NMD3: variants seen among roughly 807,000 people sequenced by gnomAD.
NMD3 encodes NMD3 ribosome export adaptor.
NMD3 carries 47 observed loss-of-function variants against 73.1 expected under a neutral mutation model. The observed-to-expected ratio is 0.64, with a 90% CI of 0.51 to 0.82. The LOEUF (loss-of-function observed/expected upper bound fraction) is 0.82. Ranked by LOEUF, NMD3 falls within the 40% of genes least tolerant of loss-of-function variation. NMD3 has a pLI of 0.00. For missense variants in NMD3, 554 were observed against 612.5 expected (o/e 0.90, Z 1.01); for synonymous variants, 210 against 194.5 (o/e 1.08, Z -0.66).
chr3:161,223,073 A>ATTAT (rs1399573578), intron 2 of NMD3: 1 of 152,222 alleles, frequency 6.6e-6, no homozygotes, highest in Non-Finnish European at 1.5e-5. Flanking sequence ...TTGTTTGACC[A>ATTAT]TTATACTTCC....
intron 6 of NMD3, 61 bp downstream of exon 6, chr3:161,234,916 C>T (rs1424537114): frequency 1.3e-6 from 2 of 1,551,664 alleles, no homozygotes; most frequent in Non-Finnish European, 1.8e-6. Context: ...TTAATTATAA[C>T]TTTTCCTTCT....
chr3:161,243,399 G>C (rs973648342), intron 11 of NMD3, among the ~76,000 whole-genome samples: 1 of 152,174 alleles, frequency 6.6e-6, no homozygotes, highest in African/African-American at 2.4e-5. Context: ...CTTTGAAAGG[G>C]AAACTATGGA....
At chr3:161,237,602 C>A (rs377664847) in intron 7 of NMD3, among the ~76,000 whole-genome samples, 2 of 142,312 alleles carry the variant, frequency 1.4e-5, no homozygotes, top group East Asian at 4.1e-4. Context: ...TGCAGTGTTG[C>A]GATCTGGGCT....
At chr3:161,223,899 C>T (rs1399801827) in intron 2 of NMD3, among the ~76,000 whole-genome samples, 2 of 152,106 alleles carry the variant, frequency 1.3e-5, no homozygotes, top group African/African-American at 4.8e-5. Flanking sequence ...CCCAAGTTTG[C>T]TATTACACTT....
chr3:161,232,818 C>G (rs2108082782), intron 4 of NMD3, among the ~76,000 whole-genome samples: 1 of 152,268 alleles, frequency 6.6e-6, no homozygotes, highest in South Asian at 2.1e-4. Context: ...TCCCACCCAC[C>G]CCTTCTCCCC....
intron 1 of NMD3, 118 bp from the exon 2 acceptor site, chr3:161,221,876 T>A (rs1338623871): frequency 1.6e-6 from 1 of 630,060 alleles, no homozygotes; most frequent in Non-Finnish European, 2.6e-6. Flanking sequence ...CGAAGTTCTG[T>A]GAATATATTA....
chr3:161,233,153 G>T (rs1736606033), intron 4 of NMD3, among the ~76,000 whole-genome samples: 1 of 149,504 alleles, frequency 6.7e-6, no homozygotes, highest in East Asian at 1.9e-4. Context: ...TTTTTCCTAT[G>T]CAAATACTTT....
chr3:161,233,645 T>C (rs1379611745), intron 5 of NMD3, among the ~76,000 whole-genome samples, 166 bp downstream of exon 5: 1 of 152,238 alleles, frequency 6.6e-6, no homozygotes, highest in Non-Finnish European at 1.5e-5. Flanking sequence ...AGATCACTAG[T>C]AAGAGTAGTC....
intron 11 of NMD3, among the ~76,000 whole-genome samples, chr3:161,245,546 ATTTCTT>A (rs528006826): frequency 8.4e-4 from 127 of 150,628 alleles, no homozygotes; most frequent in African/African-American, 2.8e-3. Context: ...CATTTTTTTC[ATTTCTT>A]TTTCTTTGAC....
chr3:161,235,049 A>C, intron 6 of NMD3, 73 bp from the exon 7 acceptor site: 1 of 861,120 alleles, frequency 1.2e-6, no homozygotes, highest in South Asian at 1.7e-5. Flanking sequence ...CTATCTGTAG[A>C]TAGTATGTGT....
chr3:161,238,010 T>TG, intron 7 of NMD3, 103 bp from the exon 8 acceptor site: 1 of 758,336 alleles, frequency 1.3e-6, no homozygotes, highest in Non-Finnish European at 2.1e-6. Context: ...TCTAATAATT[T>TG]GATTTTGTTT....
chr3:161,234,767 A>T lies in NMD3; in HGVS notation c.398A>T (p.Asp133Val), dbSNP rs1260654826. ...GAILQQVFVVDYVVQSQMCGD... is the reference protein window; with the variant it reads ...GAILQQVFVVVYVVQSQMCGD... ...ATCCTTCAACAAGTGTTTGTGGTGGATTATGTTGTTCAGTCCCAAATGTGT... is the reference window on the plus strand; with the variant it reads ...ATCCTTCAACAAGTGTTTGTGGTGGTTTATGTTGTTCAGTCCCAAATGTGT... The change falls in exon 6 of 16, where the codon GAT (aspartate) becomes GTT (valine). Residue 133 changes from aspartate to valine, a missense_variant. Coordinates refer to ENST00000351193, the MANE Select transcript of NMD3 (RefSeq NM_015938.5). The T allele has an allele frequency of 6.2e-7, 1 of 1,612,718 alleles. No homozygotes were observed. The highest frequency in any genetic ancestry group is 1.3e-5 in the African/African-American group (1 of 74,874).
chr3:161,242,789 CTT>C (rs1295397941), intron 11 of NMD3, 136 bp downstream of exon 11: 98 of 484,006 alleles, frequency 2.0e-4, no homozygotes, highest in South Asian at 5.7e-4. Flanking sequence ...GAAAAAAATT[CTT>C]TTTTTTTTTG....
At chr3:161,227,541 G>C (rs567971685) in intron 4 of NMD3, among the ~76,000 whole-genome samples, 198 bp downstream of exon 4, 1 of 142,286 alleles carries the variant, frequency 7.0e-6, no homozygotes, top group East Asian at 2.2e-4. Flanking sequence ...TCTGCCTCCC[G>C]GGTTCACACG....
chr3:161,252,213 A>G lies in NMD3; in HGVS notation c.*1303A>G, dbSNP rs1167451404. Reference sequence around the variant, plus strand: ...TTCAAAGGTAAGATTGACCAAAGCAAGTTCTCATTGGTGGTCTGTGTTTAC... The same window carrying G: ...TTCAAAGGTAAGATTGACCAAAGCAGGTTCTCATTGGTGGTCTGTGTTTAC... On this transcript the variant is annotated 3_prime_UTR_variant, in exon 16 of 16. Coordinates refer to ENST00000351193, the MANE Select transcript of NMD3 (RefSeq NM_015938.5). The G allele has an allele frequency of 6.6e-6, 1 of 152,144 alleles. No individual in the cohort carries two copies. The highest frequency in any genetic ancestry group is 2.4e-5 in the African/African-American group (1 of 41,426). 9.4% of individuals were successfully genotyped at this position (152,144 alleles called of 1,614,324 possible).
downstream of NMD3, chr3:161,252,795 T>G: frequency 2.9e-6 from 2 of 693,826 alleles, no homozygotes; most frequent in Non-Finnish European, 5.2e-6. Context: ...AGCTGCTGAT[T>G]TAGAGTCAGA....
chr3:161,244,128 A>T (rs1308871292), intron 11 of NMD3, among the ~76,000 whole-genome samples: 1 of 152,118 alleles, frequency 6.6e-6, no homozygotes, highest in Non-Finnish European at 1.5e-5. Context: ...GCCTGCATAC[A>T]TTCTTTTAAT....
At chr3:161,236,336 T>G (rs1236388539) in intron 7 of NMD3, among the ~76,000 whole-genome samples, 1 of 152,156 alleles carries the variant, frequency 6.6e-6, no homozygotes, top group African/African-American at 2.4e-5. Flanking sequence ...CTCTGTATCC[T>G]CCTCAACACT....
Position 161,234,839 on chromosome 3 carries a change from T to G in NMD3, c.470T>G (p.Ile157Ser). Reference sequence around the variant, plus strand: ...GCTAAGGATTTCTGGAAGGCTGTGATTCAAGTGAGGCAAAAGGTAATGAGA... The same window carrying G: ...GCTAAGGATTTCTGGAAGGCTGTGAGTCAAGTGAGGCAAAAGGTAATGAGA... ...VEAKDFWKAV[I>S]QVRQKTLHKK... The change falls in exon 6 of 16, where the codon ATT (isoleucine) becomes AGT (serine). Residue 157 changes from isoleucine (I) to serine (S), a missense_variant. Physicochemically the swap from Ile to Ser is moderately radical, Grantham distance 142. Coordinates refer to ENST00000351193, the MANE Select transcript of NMD3 (RefSeq NM_015938.5). 1 of 1,613,436 alleles carries G rather than the reference T, an allele frequency of 6.2e-7. No individual in the cohort carries two copies. The highest frequency in any genetic ancestry group is 1.1e-5 in the South Asian group (1 of 91,068).
Sources: allele counts gnomAD v4.1 joint callset (sites outside exome capture counted in the v4.1 genomes callset), GRCh38; gene constraint gnomAD v4.1.1; transcripts MANE v1.5; gene names NCBI Gene and HGNC (gene_info 2026-07-23, HGNC 2026-07-21).